The following BEND7 variants were observed in gnomAD, a reference collection of about 807,000 sequenced individuals.
BEND7 encodes BEN domain containing 7.
A neutral mutation model predicts 50.9 loss-of-function variants in BEND7; 28 were observed. The ratio of observed to expected loss-of-function variants is 0.55; its 90% confidence interval spans 0.41 to 0.75. The LOEUF (loss-of-function observed/expected upper bound fraction) is 0.75, where lower values mean the gene tolerates loss of function less well. Among genes scored for constraint, BEND7 ranks in the 30% least tolerant of loss-of-function variants. BEND7 has a pLI of 0.00. For synonymous variants in BEND7, 170 were observed against 183.9 expected, an observed-to-expected ratio of 0.92 and a Z score of 0.61; for missense variants, 477 against 491.3, an observed-to-expected ratio of 0.97 and a Z score of 0.28.
At chr10:13,467,090 C>G (rs577829436) in intron 6 of BEND7, among the ~76,000 whole-genome samples, 154 of 152,322 alleles carry the variant, frequency 1.0e-3, no homozygotes, top group African/African-American at 3.2e-3. Context: ...GGCGTCAGGA[C>G]AGGGCCCATG....
chr10:13,455,834 G>C (rs1838842550), intron 6 of BEND7, among the ~76,000 whole-genome samples: 1 of 152,146 alleles, frequency 6.6e-6, no homozygotes, highest in South Asian at 2.1e-4. Flanking sequence ...GGAGGATGGA[G>C]GGTGTAGGGG....
chr10:13,472,957 C>T (rs756252862), intron 6 of BEND7, among the ~76,000 whole-genome samples: 8 of 151,356 alleles, frequency 5.3e-5, no homozygotes, highest in South Asian at 2.1e-4. Context: ...GACTCAGGGT[C>T]GATACCCGTC....
At chr10:13,512,542 T>C (rs565684635) in intron 2 of BEND7, among the ~76,000 whole-genome samples, 1 of 152,300 alleles carries the variant, frequency 6.6e-6, no homozygotes, top group Admixed American at 6.5e-5. Context: ...GACGCCCTTT[T>C]CAATGTAAGT....
chr10:13,451,458 C>T (rs2131018126), intron 7 of BEND7, among the ~76,000 whole-genome samples: 2 of 151,892 alleles, frequency 1.3e-5, no homozygotes, highest in Middle Eastern at 3.4e-3. Context: ...AGGCTGGTCT[C>T]GATCTCCTGG....
chr10:13,439,651 C>G (rs1408284618), downstream of BEND7, among the ~76,000 whole-genome samples: 1 of 152,242 alleles, frequency 6.6e-6, no homozygotes, highest in Non-Finnish European at 1.5e-5. Context: ...TTGACACATT[C>G]TCCCTCCTCC....
intron 6 of BEND7, among the ~76,000 whole-genome samples, chr10:13,461,746 T>G (rs971159399): frequency 7.5e-6 from 1 of 134,226 alleles, no homozygotes; most frequent in African/African-American, 2.7e-5. Context: ...AAAAAAAAAA[T>G]GAAATGCTTG....
intron 6 of BEND7, among the ~76,000 whole-genome samples, chr10:13,460,874 A>G (rs945713951): frequency 8.5e-5 from 13 of 152,256 alleles, no homozygotes; most frequent in East Asian, 7.7e-4. Context: ...AATTCAAGAC[A>G]TATTTATCCA....
intron 4 of BEND7, among the ~76,000 whole-genome samples, chr10:13,496,110 C>G (rs1385810899): frequency 1.3e-5 from 2 of 152,216 alleles, no homozygotes; most frequent in African/African-American, 4.8e-5. Context: ...TTATAAAGTT[C>G]ATTGACAGCT....
At chr10:13,458,440 G>C (rs1275056660) in intron 6 of BEND7, among the ~76,000 whole-genome samples, 1 of 152,194 alleles carries the variant, frequency 6.6e-6, no homozygotes, top group East Asian at 1.9e-4. Flanking sequence ...AGAAGAATGT[G>C]GCATGGACTT....
Position 13,481,133 on chromosome 10 carries a change from A to G in BEND7, c.838-9T>C, listed in dbSNP as rs758937817. The G allele has an allele frequency of 6.2e-7, 1 of 1,612,884 alleles. No individual in the cohort carries two copies. The highest frequency in any genetic ancestry group is 1.3e-5 in the African/African-American group (1 of 74,994). On this transcript the variant is annotated splice_polypyrimidine_tract_variant and intron_variant, in intron 5 of 8. Transcript: ENST00000466271. ...GCAAGTTGTACTTCTGGCTACCAAA[A>G]GAACACAGATATTTCATTAAAAGCA...
chr10:13,491,945 A>C (rs1196517920), intron 5 of BEND7, among the ~76,000 whole-genome samples: 1 of 152,122 alleles, frequency 6.6e-6, no homozygotes, highest in African/African-American at 2.4e-5. Flanking sequence ...CATTGTAAAT[A>C]GAAATGCAAT....
At chr10:13,507,196 T>A (rs1159269075) in intron 2 of BEND7, among the ~76,000 whole-genome samples, 1 of 152,170 alleles carries the variant, frequency 6.6e-6, no homozygotes, top group Admixed American at 6.5e-5. Context: ...TTAGTAGATA[T>A]TTAAAAAGAT....
intron 6 of BEND7, among the ~76,000 whole-genome samples, chr10:13,474,472 C>A (rs2075256364): frequency 6.6e-6 from 1 of 152,146 alleles, no homozygotes; most frequent in African/African-American, 2.4e-5. Flanking sequence ...CAATACCCGT[C>A]ATCACTGTTA....
At chr10:13,462,321 C>T (rs1412366766) in intron 6 of BEND7, among the ~76,000 whole-genome samples, 2 of 152,296 alleles carry the variant, frequency 1.3e-5, no homozygotes, top group East Asian at 3.9e-4. Context: ...AGCAAAGGCA[C>T]ATTTTACATG....
At chr10:13,509,359 G>A (rs1406314104) in intron 2 of BEND7, among the ~76,000 whole-genome samples, 1 of 152,132 alleles carries the variant, frequency 6.6e-6, no homozygotes, top group Non-Finnish European at 1.5e-5. Flanking sequence ...CTGGGCCCCA[G>A]CACTGGGCAC....
intron 6 of BEND7, among the ~76,000 whole-genome samples, chr10:13,478,857 T>C (rs2075652484): frequency 6.6e-6 from 1 of 152,192 alleles, no homozygotes; most frequent in African/African-American, 2.4e-5. Context: ...TTTAATAGAT[T>C]TAATTCAATA....
At chr10:13,469,652 T>C (rs1021976062) in intron 6 of BEND7, among the ~76,000 whole-genome samples, 2 of 152,058 alleles carry the variant, frequency 1.3e-5, no homozygotes, top group Non-Finnish European at 2.9e-5. Context: ...AATTTTTCTA[T>C]TTGTAGTAGA....
intron 5 of BEND7, among the ~76,000 whole-genome samples, chr10:13,486,021 A>G (rs1353814241): frequency 6.6e-6 from 1 of 152,138 alleles, no homozygotes; most frequent in Non-Finnish European, 1.5e-5. Context: ...AGCTTGGGCT[A>G]CAAGTGCGTG....
At chr10:13,455,871 T>A (rs201769505) in intron 6 of BEND7, among the ~76,000 whole-genome samples, 1 of 151,760 alleles carries the variant, frequency 6.6e-6, no homozygotes, top group East Asian at 1.9e-4. Flanking sequence ...CTGAGAAGAA[T>A]TGGAGAGGAA....
Sources: gnomAD v4.1 joint callset for allele counts (sites outside exome capture counted in the v4.1 genomes callset) on GRCh38, gnomAD v4.1.1 for gene constraint, MANE v1.5 for transcripts, NCBI Gene and HGNC (gene_info 2026-07-23, HGNC 2026-07-21) for gene names.